KDM5C: variants seen among roughly 807,000 people sequenced by gnomAD.
The protein encoded by KDM5C is lysine demethylase 5C.
Under a neutral mutation model 110.6 loss-of-function variants are expected in KDM5C, and 16 were observed. The observed-to-expected ratio is 0.14, with a 90% CI of 0.10 to 0.22. KDM5C has a LOEUF of 0.22. Among genes scored for constraint, KDM5C ranks in the 10% least tolerant of loss-of-function variants. The pLI is 1.00. For missense variants in KDM5C, 681 were observed against 1,300.9 expected, an observed-to-expected ratio of 0.52 and a Z score of 7.33; for synonymous variants, 511 against 520.4, an observed-to-expected ratio of 0.98 and a Z score of 0.24.
chrX:53,177,516 C>T (rs186651187), intron 25 of KDM5C, among the ~76,000 whole-genome samples: 1 of 112,397 alleles, frequency 8.9e-6, no homozygotes, highest in East Asian at 2.8e-4. Context: ...GTGTACTAAT[C>T]GTTTTGTAAT....
At chrX:53,187,228 G>A (rs1934246631), downstream of KDM5C, among the ~76,000 whole-genome samples, 1 of 110,084 alleles carries the variant, frequency 9.1e-6, no homozygotes, top group African/African-American at 3.3e-5. Flanking sequence ...CCCCCCTGTG[G>A]AACTATTTCT....
chrX:53,194,172 G>T lies in KDM5C; in HGVS notation c.4005C>A (p.Pro1335=). ...PNYPAAPASD[P]LREGSGKDMP... is the part of the protein sequence containing the mutation. ...TATCCTTGCCACTGCCCTCTCTGAG[G>T]GGGTCAGAAGCAGGGGCTGCAGGGT... is the stretch of plus-strand genomic sequence containing the variant. Residue 1335 remains proline (P), a synonymous_variant, in exon 23 of 26, where the codon CCC becomes CCA. Coordinates refer to ENST00000375401, the MANE Select transcript of KDM5C (RefSeq NM_004187.5). 2 of 1,207,672 alleles carry T rather than the reference G, an allele frequency of 1.7e-6. No individual in the cohort carries two copies. The highest frequency in any genetic ancestry group is 2.2e-6 in the Non-Finnish European group (2 of 893,143).
intron 6 of KDM5C, 33 bp downstream of exon 6, chrX:53,216,041 C>T (rs782065611): frequency 1.4e-5 from 17 of 1,212,203 alleles, no homozygotes; most frequent in Middle Eastern, 4.6e-4. Context: ...CTTTTCTCCC[C>T]AGGTGAGGCC....
chrX:53,214,038 T>C (rs113444024), intron 8 of KDM5C, among the ~76,000 whole-genome samples: 2,660 of 110,069 alleles, frequency 0.024, 74 homozygotes, highest in African/African-American at 0.076. Context: ...CACTGCAACC[T>C]CCGCCTCCTG....
chrX:53,192,994 T>A lies in KDM5C; in HGVS notation c.4656A>T (p.Pro1552=). ...TLTPRLHLPC[P]QQPPQQQL ...ACAACTGTTGCTGAGGCGGCTGCTG[T>A]GGGCAGGGCAGATGCAGCCGGGGAG... The change falls in exon 26 of 26, where the codon CCA becomes CCT. Residue 1552 remains proline (P), a synonymous_variant. Transcript: ENST00000375401. The A allele has an allele frequency of 8.5e-7, 1 of 1,177,397 alleles. No individual in the cohort carries two copies. Among genetic ancestry groups the A allele is most frequent in the Non-Finnish European group, 1.1e-6 (1 of 877,548 alleles).
At chrX:53,221,294 C>CT (rs376397275) in intron 1 of KDM5C, among the ~76,000 whole-genome samples, 68 of 110,719 alleles carry the variant, frequency 6.1e-4, no homozygotes, top group African/African-American at 2.2e-3. Context: ...ACACACAGGC[C>CT]TGGGAGTACT....
At chrX:53,191,027 T>C (rs1264763303), downstream of KDM5C, among the ~76,000 whole-genome samples, 3 of 111,554 alleles carry the variant, frequency 2.7e-5, no homozygotes, top group Non-Finnish European at 5.7e-5. Context: ...CCTCGTATCA[T>C]GGGCAGACTC....
chrX:53,219,844 C>A (rs1556853878), intron 2 of KDM5C, among the ~76,000 whole-genome samples: 1 of 112,209 alleles, frequency 8.9e-6, no homozygotes, highest in African/African-American at 3.2e-5. Flanking sequence ...AAAACCTGCC[C>A]TTGTGTCATG....
intron 12 of KDM5C, among the ~76,000 whole-genome samples, chrX:53,206,042 A>G (rs1602195946): frequency 8.9e-6 from 1 of 112,066 alleles, no homozygotes; most frequent in East Asian, 2.8e-4. Flanking sequence ...GTTATTTAGA[A>G]AAGTTCTCCT....
chrX:53,181,340 T>G (rs1380775988), intron 25 of KDM5C, among the ~76,000 whole-genome samples: 1 of 110,076 alleles, frequency 9.1e-6, no homozygotes, highest in African/African-American at 3.3e-5. Context: ...AGACTAGGAA[T>G]AGGAACATCA....
In KDM5C at chrX:53,192,740, G is replaced by C; in HGVS notation, c.*227C>G. 8.6e-7 allele frequency: 1 copy of C among 1,161,382 alleles called. No individual in the cohort carries two copies. Among genetic ancestry groups the C allele is most frequent in the Non-Finnish European group, 1.1e-6 (1 of 870,310 alleles). On this transcript the variant is annotated 3_prime_UTR_variant, in exon 26 of 26. Coordinates refer to ENST00000375401, the MANE Select transcript of KDM5C (RefSeq NM_004187.5). ...CTCAGGTGTCTGGGAATGCTGGTTA[G>C]AGGCTACCAGGGAGGGAAGACTCCA... is the stretch of plus-strand genomic sequence containing the variant.
chrX:53,213,480 C>T (rs977344670), intron 8 of KDM5C, among the ~76,000 whole-genome samples: 2 of 111,941 alleles, frequency 1.8e-5, no homozygotes, highest in Non-Finnish European at 3.8e-5. Context: ...AGGTAAGTAC[C>T]GAGAATTTGG....
At position 53,192,527 on chromosome X, in the gene KDM5C, T is replaced by A. The variant is rs782478973; in HGVS notation, c.*440A>T. ...AGGGGAAGGGAGAGGGAGAAGGGGG[T>A]AGGAAGGAAGGAAAAGAGGGGAGGA... On this transcript the variant is annotated 3_prime_UTR_variant, in exon 26 of 26. Transcript: ENST00000375401. The A allele has an allele frequency of 3.9e-4, 122 of 310,715 alleles. No homozygotes were observed. The African/African-American group carries it at 4.0e-3, about 10-fold the overall frequency. 25.6% of individuals were successfully genotyped at this position (310,715 alleles called of 1,213,427 possible).
downstream of KDM5C, among the ~76,000 whole-genome samples, chrX:53,186,608 G>T (rs1934225967): frequency 8.9e-6 from 1 of 112,641 alleles, no homozygotes. Context: ...GAAGCCTCAT[G>T]GGGAATTCCC....
chrX:53,222,674 G>T (rs1556855258), intron 1 of KDM5C, among the ~76,000 whole-genome samples: 1 of 111,571 alleles, frequency 9.0e-6, no homozygotes, highest in African/African-American at 3.3e-5. Context: ...TATGCCAAAT[G>T]TATGTTGGTA....
chrX:53,189,003 CTG>C (rs1319053314), downstream of KDM5C, among the ~76,000 whole-genome samples: 1 of 112,273 alleles, frequency 8.9e-6, no homozygotes, highest in Non-Finnish European at 1.9e-5. Flanking sequence ...ACCTTGCTGG[CTG>C]TGAGACCCTG....
chrX:53,207,352 C>A (rs782583408), intron 12 of KDM5C, among the ~76,000 whole-genome samples: 2 of 111,069 alleles, frequency 1.8e-5, no homozygotes, highest in African/African-American at 6.5e-5. Context: ...TCTTTTGTTT[C>A]GTACTAAGTC....
intron 25 of KDM5C, among the ~76,000 whole-genome samples, chrX:53,181,890 A>T (rs1247100138): frequency 5.8e-4 from 63 of 107,867 alleles, no homozygotes; most frequent in African/African-American, 2.0e-3. Flanking sequence ...CTGGGTTCAC[A>T]CCATTCTCCT....
At position 53,215,884 on chromosome X, in the gene KDM5C, G is replaced by A. The variant is rs782758011; in HGVS notation, c.874C>T (p.Leu292=). The A allele has an allele frequency of 1.7e-6, 2 of 1,211,618 alleles. No individual in the cohort carries two copies. Among genetic ancestry groups the A allele is most frequent in the Non-Finnish European group, 2.2e-6 (2 of 895,217 alleles). Residue 292 remains leucine, a synonymous_variant, in exon 7 of 26, where the codon CTG becomes TTG. Transcript: ENST00000375401. ...TGACTCAGCTCCTCCTTGCTCTCCA[G>A]GAAGGTCTTAGGCGATGTTGACTCC... is the stretch of plus-strand genomic sequence containing the variant. ...KVESTSPKTF[L]ESKEELSHSP...
Sources: allele counts gnomAD v4.1 joint callset (sites outside exome capture counted in the v4.1 genomes callset), GRCh38; gene constraint gnomAD v4.1.1; transcripts MANE v1.5; gene names NCBI Gene and HGNC (gene_info 2026-07-23, HGNC 2026-07-21).